MAP4K4: variants seen among roughly 807,000 people sequenced by gnomAD.
MAP4K4 encodes the protein HPK/GCK-like kinase HGK.
Under a neutral mutation model 189.6 loss-of-function variants are expected in MAP4K4, and 38 were observed. The ratio of observed to expected loss-of-function variants is 0.20; its 90% CI spans 0.15 to 0.26. The LOEUF (loss-of-function observed/expected upper bound fraction) is 0.26. Among genes scored for constraint, MAP4K4 ranks in the 10% least tolerant of loss-of-function variants. The pLI, the probability that MAP4K4 is intolerant of heterozygous loss-of-function variation, is 1.00. For synonymous variants in MAP4K4, 610 were observed against 624.3 expected (o/e 0.98, Z 0.34); for missense variants, 1,054 against 1,726.9 (o/e 0.61, Z 6.91).
intron 2 of MAP4K4, among the ~76,000 whole-genome samples, chr2:101,718,009 C>T (rs910881074): frequency 1.3e-5 from 2 of 151,846 alleles, no homozygotes; most frequent in African/African-American, 4.8e-5. Flanking sequence ...GTAATCCCAG[C>T]ACTTTGGGAG....
At position 101,862,697 on chromosome 2, in the gene MAP4K4, T is replaced by C. The variant is rs373076339; in HGVS notation, c.1867-1124T>C. Among the ~76,000 whole-genome samples, 35 of 152,192 alleles carry C rather than the reference T, an allele frequency of 2.3e-4. No individual in the cohort carries two copies. In the East Asian group the frequency reaches 5.2e-3, roughly 23 times the overall value. On this transcript the variant is annotated intron_variant, in intron 16 of 32. Coordinates refer to ENST00000324219, the Ensembl canonical transcript of MAP4K4. ...GGGAGACTTTTCTCGTGTAGGACTC[T>C]ATTTTAAAACTCATTTTTGATTATA... is the stretch of plus-strand genomic sequence containing the variant.
At chr2:101,861,053 C>A in intron 16 of MAP4K4, 67 bp downstream of exon 16, 2 of 1,410,502 alleles carry the variant, frequency 1.4e-6, no homozygotes, top group Non-Finnish European at 1.9e-6. Context: ...CGCAGGCCTG[C>A]TGTAATATCA....
At chr2:101,733,427 G>C (rs2059285199) in intron 2 of MAP4K4, among the ~76,000 whole-genome samples, 1 of 152,236 alleles carries the variant, frequency 6.6e-6, no homozygotes, top group Non-Finnish European at 1.5e-5. Context: ...CATGCAGCAA[G>C]TTAGTGTCAA....
chr2:101,713,371 G>C (rs1188464077), intron 2 of MAP4K4, among the ~76,000 whole-genome samples: 1 of 151,952 alleles, frequency 6.6e-6, no homozygotes, highest in Non-Finnish European at 1.5e-5. Context: ...TAGGTGGGCG[G>C]ATCTTTTGAG....
intron 2 of MAP4K4, among the ~76,000 whole-genome samples, chr2:101,707,722 G>A (rs1264889809): frequency 1.4e-5 from 2 of 139,214 alleles, no homozygotes; most frequent in African/African-American, 2.8e-5. Context: ...ACGGAGTCTC[G>A]CTTTGTCGCC....
Position 101,777,690 on chromosome 2 carries a change from C to T in MAP4K4, c.124-13030C>T, listed in dbSNP as rs185622749. ...ATCCTTTTTCTTTTAACTATGAGAACGTATTCAGAAGAGCAGAAGGTGTAT... is the reference window on the plus strand; with the variant it reads ...ATCCTTTTTCTTTTAACTATGAGAATGTATTCAGAAGAGCAGAAGGTGTAT... On this transcript the variant is annotated intron_variant, in intron 2 of 32. Transcript: ENST00000324219. Among the ~76,000 whole-genome samples the T allele has an allele frequency of 2.0e-3, 306 of 152,294 alleles. 1 individual carries two copies. The highest frequency in any genetic ancestry group is 2.9e-3 in the Non-Finnish European group (198 of 68,022).
chr2:101,733,245 G>T (rs1458160437), intron 2 of MAP4K4, among the ~76,000 whole-genome samples: 1 of 152,188 alleles, frequency 6.6e-6, no homozygotes, highest in East Asian at 1.9e-4. Context: ...GAAGGAAATG[G>T]CGATGGGGGG....
At chr2:101,750,567 G>C (rs1167980351) in intron 2 of MAP4K4, among the ~76,000 whole-genome samples, 1 of 150,354 alleles carries the variant, frequency 6.7e-6, no homozygotes, top group Non-Finnish European at 1.5e-5. Context: ...GCTAGATGAC[G>C]AGTTAGTGGG....
intron 2 of MAP4K4, among the ~76,000 whole-genome samples, chr2:101,711,642 G>T (rs537577244): frequency 1.3e-5 from 2 of 152,106 alleles, no homozygotes. Flanking sequence ...TTGATGTTGA[G>T]TGAGATATTT....
intron 2 of MAP4K4, among the ~76,000 whole-genome samples, chr2:101,767,961 A>G (rs2079394302): frequency 6.6e-6 from 1 of 152,222 alleles, no homozygotes; most frequent in Non-Finnish European, 1.5e-5. Context: ...CTATAAATCA[A>G]AACTTGTTGT....
chr2:101,881,494 C>G (rs2098388872), intron 27 of MAP4K4, among the ~76,000 whole-genome samples: 2 of 152,116 alleles, frequency 1.3e-5, no homozygotes, highest in African/African-American at 4.8e-5. Context: ...TTTCTTCCTC[C>G]CCAGTCCTTG....
chr2:101,815,522 T>TC (rs200343619), intron 3 of MAP4K4, among the ~76,000 whole-genome samples: 3,204 of 152,160 alleles, frequency 0.021, 94 homozygotes, highest in African/African-American at 0.072. Context: ...TAATTTTCTT[T>TC]CCCCCCCTCT....
chr2:101,751,747 A>C (rs2069114124), intron 2 of MAP4K4, among the ~76,000 whole-genome samples: 3 of 152,196 alleles, frequency 2.0e-5, no homozygotes, highest in Admixed American at 2.0e-4. Flanking sequence ...GTGAGTTGGT[A>C]GGGGCTCGAC....
chr2:101,780,734 TG>T (rs2086896351), intron 2 of MAP4K4, among the ~76,000 whole-genome samples: 1 of 152,224 alleles, frequency 6.6e-6, no homozygotes, highest in Non-Finnish European at 1.5e-5. Flanking sequence ...CCTTTCTCAT[TG>T]GTCAGTTAGT....
At chr2:101,747,381 G>C (rs1403160122) in intron 2 of MAP4K4, among the ~76,000 whole-genome samples, 1 of 152,110 alleles carries the variant, frequency 6.6e-6, no homozygotes, top group Non-Finnish European at 1.5e-5. Flanking sequence ...GGCCTCCAAA[G>C]TGCTGGGATT....
intron 2 of MAP4K4, among the ~76,000 whole-genome samples, chr2:101,746,268 T>C (rs1281923967): frequency 1.3e-5 from 2 of 151,392 alleles, no homozygotes; most frequent in African/African-American, 4.9e-5. Flanking sequence ...ATTGCAAGTG[T>C]GAGCCACTGT....
intron 2 of MAP4K4, among the ~76,000 whole-genome samples, chr2:101,767,886 G>C (rs1437253688): frequency 6.6e-6 from 1 of 152,166 alleles, no homozygotes; most frequent in Admixed American, 6.5e-5. Context: ...GTTCAGATCT[G>C]TTTCTCCCCT....
At chr2:101,785,305 C>T (rs565371790) in intron 2 of MAP4K4, among the ~76,000 whole-genome samples, 20 of 152,292 alleles carry the variant, frequency 1.3e-4, no homozygotes, top group Middle Eastern at 6.8e-3. Flanking sequence ...TGTTGAGTCA[C>T]GTGCACTTTC....
In MAP4K4 at chr2:101,785,675, TCCC is replaced by T. The variant is rs1558912842; in HGVS notation, c.124-5044_124-5042del. 5.1e-3 allele frequency among the ~76,000 whole-genome samples: 250 copies of T among 49,498 alleles called. 21 individuals are homozygous for T. The highest frequency in any genetic ancestry group is 8.3e-3 in the South Asian group (13 of 1,572). 32.5% of individuals were successfully genotyped at this position (49,498 alleles called of 152,430 possible). A position where few individuals can be genotyped will look rare whatever the true frequency, so the allele number is the denominator to read the frequency against. On this transcript the variant is annotated intron_variant, in intron 2 of 32. Transcript: ENST00000324219. ...TGCCATCTTCTTCTTTCTTTCTTTC[TCCC>T]TCTCTCTCTCTCTCTCTCTCTCTCT...
Sources: gnomAD v4.1 joint callset for allele counts (sites outside exome capture counted in the v4.1 genomes callset) on GRCh38, gnomAD v4.1.1 for gene constraint, MANE v1.5 for transcripts, NCBI Gene and HGNC (gene_info 2026-07-23, HGNC 2026-07-21) for gene names.